BRINP1: variants seen among roughly 807,000 people sequenced by gnomAD.
BRINP1 encodes BMP/retinoic acid inducible neural specific 1, also known as BMP/retinoic acid-inducible neural-specific protein 1.
A neutral mutation model predicts 72.9 loss-of-function variants in BRINP1; 17 were observed. The observed-to-expected ratio is 0.23, with a 90% CI of 0.16 to 0.35. BRINP1 has a LOEUF of 0.35. BRINP1 is among the 10% of genes least tolerant of loss of function. The pLI, the probability that BRINP1 is intolerant of heterozygous loss-of-function variation, is 1.00. For synonymous variants in BRINP1, 418 were observed against 378.5 expected, an observed-to-expected ratio of 1.10 and a Z score of -1.21; for missense variants, 850 against 1,001.6, an observed-to-expected ratio of 0.85 and a Z score of 2.04.
At chr9:119,172,341 T>C (rs566001633) in intron 7 of BRINP1, among the ~76,000 whole-genome samples, 1 of 152,126 alleles carries the variant, frequency 6.6e-6, no homozygotes, top group Admixed American at 6.5e-5. Context: ...CATCAGAGAA[T>C]ACTACAAACA....
At chr9:119,360,143 T>C (rs986551406) in intron 1 of BRINP1, among the ~76,000 whole-genome samples, 1 of 152,234 alleles carries the variant, frequency 6.6e-6, no homozygotes, top group African/African-American at 2.4e-5. Context: ...CAGTCCTCCC[T>C]AGCCTCGGCT....
At chr9:119,211,479 G>A (rs949469336) in intron 6 of BRINP1, among the ~76,000 whole-genome samples, 2 of 152,210 alleles carry the variant, frequency 1.3e-5, no homozygotes, top group African/African-American at 2.4e-5. Context: ...TTACAGGCAT[G>A]AGCCACTGCA....
In BRINP1 at chr9:119,172,917, G is replaced by C. The variant is rs1829433962; in HGVS notation, c.1146-4693C>G. 2.7e-5 allele frequency among the ~76,000 whole-genome samples: 4 copies of C among 150,900 alleles called. No homozygotes were observed. In the South Asian group the frequency reaches 8.4e-4, roughly 32 times the overall value. On this transcript the variant is annotated intron_variant, in intron 7 of 7. Coordinates refer to ENST00000265922, the MANE Select transcript of BRINP1 (RefSeq NM_014618.3). ...CTCCATAGATGCAGAAAAAGCCTTT[G>C]ACAAAATTCAACCACCCTTCATGCT...
intron 1 of BRINP1, among the ~76,000 whole-genome samples, chr9:119,320,150 A>G (rs1831170646): frequency 6.6e-6 from 1 of 152,098 alleles, no homozygotes. Flanking sequence ...CAGACAGCCT[A>G]CAAAAGCCTT....
At chr9:119,340,671 A>T (rs916841481) in intron 1 of BRINP1, among the ~76,000 whole-genome samples, 3 of 152,180 alleles carry the variant, frequency 2.0e-5, no homozygotes, top group African/African-American at 7.2e-5. Context: ...ACCCTAACTC[A>T]TTTTTACGTC....
At chr9:119,302,181 T>C (rs1215747421) in intron 2 of BRINP1, among the ~76,000 whole-genome samples, 2 of 152,232 alleles carry the variant, frequency 1.3e-5, no homozygotes, top group Non-Finnish European at 2.9e-5. Context: ...GTTCACAGTT[T>C]CAACATTAGA....
rs1320323398 is a variant in BRINP1 at position 119,244,572 on chromosome 9, T to C, written c.410-2356A>G. 2.0e-5 allele frequency among the ~76,000 whole-genome samples: 3 copies of C among 152,116 alleles called. No homozygotes were observed. In the East Asian group the frequency reaches 5.8e-4, roughly 29 times the overall value. On this transcript the variant is annotated intron_variant, in intron 3 of 7. Coordinates refer to ENST00000265922, the MANE Select transcript of BRINP1 (RefSeq NM_014618.3). ...GTGAATATGCTAAGAGTTTGAGCCA[T>C]GAGGCAGAGGAAATAAATGTTCCAT... is the stretch of plus-strand genomic sequence containing the variant.
rs747785836 is a variant in BRINP1 at position 119,167,994 on chromosome 9, C to T, written c.1376G>A (p.Gly459Asp). Residue 459 changes from glycine (G) to aspartate (D), a missense_variant, in exon 8 of 8, where the codon GGC becomes GAC. Physicochemically the swap from Gly to Asp is moderately conservative, Grantham distance 94. Coordinates refer to ENST00000265922, the MANE Select transcript of BRINP1 (RefSeq NM_014618.3). The surrounding 1 kb of genome is among the most constrained non-coding windows in gnomAD (Gnocchi z 4.3). The stretch of plus-strand genomic sequence containing the variant: ...GTCCACGTTCTGTGGTTCACAGCGG[C>T]CTCGATACAGCTTGTAGCCCTTGTT... ...SCNKGYKLYRGRCEPQNVDSE... is the reference protein window; with the variant it reads ...SCNKGYKLYRDRCEPQNVDSE... 9.3e-6 allele frequency: 15 copies of T among 1,614,200 alleles called. No homozygotes were observed. The highest frequency in any genetic ancestry group is 6.6e-5 in the South Asian group (6 of 91,080).
rs557731672 is a variant in BRINP1, at chr9:119,208,789, T to G, written c.1075A>C (p.Thr359Pro). The change falls in exon 7 of 8, where the codon ACT (threonine) becomes CCT (proline). Residue 359 changes from threonine (T) to proline (P), a missense_variant. Coordinates refer to ENST00000265922, the MANE Select transcript of BRINP1 (RefSeq NM_014618.3). ...TEAQRQKIQR[T>P]ARKLFGLSVR... ...CTGAGGCCGAAAAGCTTGCGGGCAG[T>G]GCGTTGGATCTTTTGTCTCTGTGCC... is the stretch of plus-strand genomic sequence containing the variant. 1 of 1,614,138 alleles carries G rather than the reference T, an allele frequency of 6.2e-7. No homozygotes were observed. Among genetic ancestry groups the G allele is most frequent in the South Asian group, 1.1e-5 (1 of 91,074 alleles).
intron 1 of BRINP1, among the ~76,000 whole-genome samples, chr9:119,363,648 G>A (rs549973900): frequency 1.4e-4 from 21 of 151,988 alleles, no homozygotes; most frequent in Admixed American, 9.8e-4. Flanking sequence ...TATTCATCTC[G>A]CTCCTCTAGA....
chr9:119,331,006 G>A (rs1831295155), intron 1 of BRINP1, among the ~76,000 whole-genome samples: 1 of 152,122 alleles, frequency 6.6e-6, no homozygotes, highest in Non-Finnish European at 1.5e-5. Context: ...CAGTTTGGGT[G>A]ACAGAGTGAG....
At position 119,214,058 on chromosome 9, in the gene BRINP1, C is replaced by G; in HGVS notation, c.783G>C (p.Gln261His). The change falls in exon 6 of 8, where the codon CAG (glutamine) becomes CAC (histidine). Residue 261 changes from glutamine to histidine, a missense_variant. Physicochemically the swap from Gln to His is conservative, Grantham distance 24. Coordinates refer to ENST00000265922, the MANE Select transcript of BRINP1 (RefSeq NM_014618.3). ...MCNGEGEYLC[Q>H]NSQCRCQCAE... ...CACATTGGCAGCGACACTGGCTGTT[C>G]TGGCACAGGTACTCCCCCTCCCCAT... 1 of 1,614,168 alleles carries G rather than the reference C, an allele frequency of 6.2e-7. No homozygotes were observed. The highest frequency in any genetic ancestry group is 1.7e-5 in the Admixed American group (1 of 60,032).
rs145424467 is a variant in BRINP1 at position 119,265,502 on chromosome 9, T to C, written c.219-16352A>G. 6.0e-3 allele frequency among the ~76,000 whole-genome samples: 916 copies of C among 151,838 alleles called. 12 individuals are homozygous for C. Among genetic ancestry groups the C allele is most frequent in the African/African-American group, 0.021 (878 of 41,412 alleles). ...CACCTAGCTACTCAGGAGGCTAAGG[T>C]GAGAGAATCACTTGAACCCAGGAGG... is the stretch of plus-strand genomic sequence containing the variant. On this transcript the variant is annotated intron_variant, in intron 2 of 7. Coordinates refer to ENST00000265922, the MANE Select transcript of BRINP1 (RefSeq NM_014618.3).
chr9:119,360,449 CGTA>C (rs1831617845), intron 1 of BRINP1, among the ~76,000 whole-genome samples: 1 of 152,182 alleles, frequency 6.6e-6, no homozygotes, highest in Non-Finnish European at 1.5e-5. Context: ...TAAAGGGAAA[CGTA>C]CGTACTTACG....
chr9:119,258,066 CAACTT>C (rs1471471201), intron 2 of BRINP1, among the ~76,000 whole-genome samples: 1 of 152,164 alleles, frequency 6.6e-6, no homozygotes, highest in African/African-American at 2.4e-5. Flanking sequence ...GTAAAGATAT[CAACTT>C]AACTTTAGAG....
chr9:119,335,419 A>G (rs1402982964), intron 1 of BRINP1, among the ~76,000 whole-genome samples: 1 of 152,222 alleles, frequency 6.6e-6, no homozygotes, highest in East Asian at 1.9e-4. Context: ...ATTCTATGAC[A>G]CACTCTATCG....
chr9:119,264,495 G>T (rs181858959), intron 2 of BRINP1, among the ~76,000 whole-genome samples: 1 of 152,138 alleles, frequency 6.6e-6, no homozygotes, highest in African/African-American at 2.4e-5. Flanking sequence ...AAACTCTCTC[G>T]ATTTATATTC....
chr9:119,211,677 G>A (rs1239477542), intron 6 of BRINP1, among the ~76,000 whole-genome samples: 4 of 152,316 alleles, frequency 2.6e-5, no homozygotes, highest in South Asian at 2.1e-4. Flanking sequence ...GCTGAGTAGC[G>A]AAGGTTAAGG....
chr9:119,266,106 T>G (rs544301702), intron 2 of BRINP1, among the ~76,000 whole-genome samples: 1 of 152,024 alleles, frequency 6.6e-6, no homozygotes. Flanking sequence ...GTAAGTCTCA[T>G]GGAAAAAATA....
Sources: gnomAD v4.1 joint callset for allele counts (sites outside exome capture counted in the v4.1 genomes callset) on GRCh38, gnomAD v4.1.1 for gene constraint, Gnocchi (gnomAD v3.1) non-coding constraint, MANE v1.5 for transcripts, NCBI Gene and HGNC (gene_info 2026-07-23, HGNC 2026-07-21) for gene names.